ARL15: variants seen among roughly 807,000 people sequenced by gnomAD.
ARL15 encodes ARF like GTPase 15.
In ARL15, 19 loss-of-function variants were observed where a neutral mutation model predicts 25.2. The ratio of observed to expected loss-of-function variants is 0.75; its 90% CI spans 0.53 to 1.10. The LOEUF (loss-of-function observed/expected upper bound fraction) is 1.10, where lower values mean the gene tolerates loss of function less well. ARL15 is among the 50% of genes least tolerant of loss of function. The probability of loss-of-function intolerance (pLI) is 0.00; values close to 1 mark genes in which losing one functional copy is unlikely to be tolerated. For missense variants in ARL15, 220 were observed against 246.0 expected, an observed-to-expected ratio of 0.89 and a Z score of 0.71; for synonymous variants, 94 against 86.8, an observed-to-expected ratio of 1.08 and a Z score of -0.46.
chr5:54,202,890 A>G (rs976929309), intron 1 of ARL15, among the ~76,000 whole-genome samples: 4 of 152,136 alleles, frequency 2.6e-5, no homozygotes, highest in African/African-American at 7.2e-5. Context: ...AAGTCTTCAT[A>G]GATTTCTGAT....
intron 4 of ARL15, among the ~76,000 whole-genome samples, chr5:54,071,585 T>C (rs1282948567): frequency 7.0e-6 from 1 of 142,018 alleles, no homozygotes; most frequent in Non-Finnish European, 1.5e-5. Flanking sequence ...AAAGGAATTT[T>C]TGGTACACTA....
chr5:53,937,972 C>A (rs1218582296), intron 4 of ARL15, among the ~76,000 whole-genome samples: 1 of 152,078 alleles, frequency 6.6e-6, no homozygotes, highest in African/African-American at 2.4e-5. Context: ...TTCATGTCAA[C>A]GTCATATCTG....
intron 4 of ARL15, among the ~76,000 whole-genome samples, chr5:53,936,925 A>G (rs534780438): frequency 6.6e-6 from 1 of 152,348 alleles, no homozygotes; most frequent in South Asian, 2.1e-4. Flanking sequence ...AAATGCTGCT[A>G]ATCAAATCCA....
chr5:54,213,508 G>T (rs1165144909), intron 1 of ARL15, among the ~76,000 whole-genome samples: 1 of 152,100 alleles, frequency 6.6e-6, no homozygotes, highest in African/African-American at 2.4e-5. Context: ...GGACCATTGA[G>T]GTTCCTTAAG....
chr5:54,010,980 A>G (rs1162663709), intron 4 of ARL15, among the ~76,000 whole-genome samples: 7 of 147,818 alleles, frequency 4.7e-5, no homozygotes, highest in African/African-American at 1.8e-4. Flanking sequence ...AGCCCGGGCG[A>G]CAGAGCAAGG....
rs70986651 is a variant in ARL15, at chr5:53,925,997, C to CT, written c.463-39285dup. Among the ~76,000 whole-genome samples, 1,111 of 122,704 alleles carry CT rather than the reference C, an allele frequency of 9.1e-3. 10 individuals carry two copies. Among genetic ancestry groups the CT allele is most frequent in the Admixed American group, 0.034 (391 of 11,642 alleles). The allele number at this position is 122,704 out of a possible 152,430, so 80.5% of individuals were successfully genotyped here. On this transcript the variant is annotated intron_variant, in intron 4 of 4. Transcript: ENST00000504924. ...TCTATGTCCTTAGTCTTTTTTCTTT[C>CT]TTTTTTTTTTTTTTTTTTTTTTACT...
At position 53,886,188 on chromosome 5, in the gene ARL15, A is replaced by G. The variant is rs1287445125; in HGVS notation, c.*373T>C. On this transcript the variant is annotated 3_prime_UTR_variant, in exon 5 of 5. Coordinates refer to ENST00000504924, the MANE Select transcript of ARL15 (RefSeq NM_019087.3). ...TACTCCACTCCCAAACCCAGAGAAAATGATCAAGGTCTTGTGAGTCTTTCT... is the reference window on the plus strand; with the variant it reads ...TACTCCACTCCCAAACCCAGAGAAAGTGATCAAGGTCTTGTGAGTCTTTCT... The G allele has an allele frequency of 6.4e-6, 1 of 156,730 alleles. No individual in the cohort carries two copies. The highest frequency in any genetic ancestry group is 1.9e-4 in the East Asian group (1 of 5,378). 9.7% of individuals were successfully genotyped at this position (156,730 alleles called of 1,614,324 possible). A position where few individuals can be genotyped will look rare whatever the true frequency, so the allele number is the denominator to read the frequency against.
intron 4 of ARL15, among the ~76,000 whole-genome samples, chr5:53,965,388 G>T (rs1245693578): frequency 2.0e-5 from 3 of 152,116 alleles, no homozygotes; most frequent in South Asian, 2.1e-4. Context: ...ATTAAATAAA[G>T]AATATTATTT....
At chr5:54,183,544 C>A (rs255687) in intron 1 of ARL15, among the ~76,000 whole-genome samples, 2 of 147,762 alleles carry the variant, frequency 1.4e-5, no homozygotes, top group Non-Finnish European at 3.0e-5. Flanking sequence ...CTGCTGGATT[C>A]GGTTTGCCAG....
intron 4 of ARL15, among the ~76,000 whole-genome samples, chr5:53,969,175 C>T (rs371039805): frequency 6.6e-6 from 1 of 152,116 alleles, no homozygotes; most frequent in African/African-American, 2.4e-5. Context: ...CAAACAACAA[C>T]AAGAAGAAAA....
In ARL15 at chr5:54,293,068, A is replaced by G. The variant is rs1487420730; in HGVS notation, c.48+17364T>C. 2.0e-5 allele frequency among the ~76,000 whole-genome samples: 3 copies of G among 152,240 alleles called. 1 individual carries two copies. Among genetic ancestry groups the G allele is most frequent in the African/African-American group, 7.2e-5 (3 of 41,458 alleles). The stretch of plus-strand genomic sequence containing the variant: ...ACCCACACATAACTCATGCTGCCAG[A>G]GTAACTTGGGGTGGGGGGAAAGATC... On this transcript the variant is annotated intron_variant, in intron 1 of 4. Coordinates refer to ENST00000504924, the MANE Select transcript of ARL15 (RefSeq NM_019087.3).
chr5:53,918,235 G>T (rs1351417973), intron 4 of ARL15, among the ~76,000 whole-genome samples: 1 of 152,194 alleles, frequency 6.6e-6, no homozygotes, highest in Admixed American at 6.5e-5. Flanking sequence ...GCCCAGGCTG[G>T]AGCGCAGTGG....
At chr5:54,046,789 T>G (rs1422765929) in intron 4 of ARL15, among the ~76,000 whole-genome samples, 5 of 152,030 alleles carry the variant, frequency 3.3e-5, no homozygotes, top group African/African-American at 1.2e-4. Context: ...AGCCACATGG[T>G]GGGAAAATGC....
At chr5:53,915,772 C>T (rs1299913280) in intron 4 of ARL15, among the ~76,000 whole-genome samples, 2 of 151,450 alleles carry the variant, frequency 1.3e-5, no homozygotes, top group African/African-American at 4.8e-5. Context: ...TGATCCAAGA[C>T]AAACAGTCTC....
At position 54,290,904 on chromosome 5, in the gene ARL15, TG is replaced by T. The variant is rs1487605343; in HGVS notation, c.48+19527del. On this transcript the variant is annotated intron_variant, in intron 1 of 4. Coordinates refer to ENST00000504924, the MANE Select transcript of ARL15 (RefSeq NM_019087.3). Reference sequence around the variant, plus strand: ...AATTTATCTTTTTAAGCCACTTCTTTGGGCATGATACCTACACTGTCAAATC... The same window carrying T: ...AATTTATCTTTTTAAGCCACTTCTTTGGCATGATACCTACACTGTCAAATC... Among the ~76,000 whole-genome samples the T allele has an allele frequency of 4.6e-5, 7 of 152,240 alleles. No individual in the cohort carries two copies. The East Asian group carries it at 1.4e-3, about 29-fold the overall frequency.
At chr5:54,306,423 TCTCA>T (rs10571312) in intron 1 of ARL15, among the ~76,000 whole-genome samples, 29,555 of 141,680 alleles carry the variant, frequency 0.21, 3,097 homozygotes, top group East Asian at 0.26. Flanking sequence ...TGAGACGGAG[TCTCA>T]CTCTGTCGCC....
At chr5:54,272,234 G>A (rs746651584) in intron 1 of ARL15, among the ~76,000 whole-genome samples, 2 of 147,912 alleles carry the variant, frequency 1.4e-5, no homozygotes, top group Non-Finnish European at 3.0e-5. Context: ...ATTACAAGCA[G>A]GAGCCAGCAT....
intron 4 of ARL15, among the ~76,000 whole-genome samples, chr5:53,946,613 T>A (rs2112101978): frequency 6.6e-6 from 1 of 152,212 alleles, no homozygotes; most frequent in African/African-American, 2.4e-5. Flanking sequence ...ATATTCTGTA[T>A]AAGCGGTGCC....
intron 1 of ARL15, among the ~76,000 whole-genome samples, chr5:54,180,776 T>A (rs965739766): frequency 6.6e-6 from 1 of 152,186 alleles, no homozygotes; most frequent in East Asian, 1.9e-4. Context: ...CTCCATTATT[T>A]CTGCTTTGTT....
Sources: allele counts gnomAD v4.1 joint callset (sites outside exome capture counted in the v4.1 genomes callset), GRCh38; gene constraint gnomAD v4.1.1; transcripts MANE v1.5; gene names NCBI Gene and HGNC (gene_info 2026-07-23, HGNC 2026-07-21).